Variants in BABAM2 observed in about 807,000 individuals in gnomAD.
BABAM2 encodes BRISC and BRCA1-A complex member 2.
A neutral mutation model predicts 54.7 loss-of-function variants in BABAM2; 31 were observed. The ratio of observed to expected loss-of-function variants is 0.57; its 90% CI spans 0.43 to 0.77. The LOEUF is 0.77. Among genes scored for constraint, BABAM2 ranks in the 30% least tolerant of loss-of-function variants. BABAM2 has a pLI of 0.00. For synonymous variants in BABAM2, 167 were observed against 162.9 expected (o/e 1.03, Z -0.19); for missense variants, 364 against 455.8 (o/e 0.80, Z 1.83).
intron 7 of BABAM2, among the ~76,000 whole-genome samples, chr2:28,221,923 C>T (rs182072953): frequency 5.1e-4 from 78 of 152,224 alleles, no homozygotes; most frequent in Middle Eastern, 6.8e-3. Context: ...TCGCCTTGCT[C>T]CAGAGTGACC....
At chr2:28,059,053 T>C (rs569598256) in intron 6 of BABAM2, among the ~76,000 whole-genome samples, 1 of 152,306 alleles carries the variant, frequency 6.6e-6, no homozygotes, top group East Asian at 1.9e-4. Flanking sequence ...TTTTATTCTT[T>C]TTGCTTAGCT....
intron 7 of BABAM2, among the ~76,000 whole-genome samples, chr2:28,175,023 C>G (rs1196031929): frequency 6.6e-6 from 1 of 152,092 alleles, no homozygotes; most frequent in Non-Finnish European, 1.5e-5. Context: ...TCCCAGAGCC[C>G]AAAACCTATC....
At chr2:28,078,677 G>A (rs1664906867) in intron 6 of BABAM2, among the ~76,000 whole-genome samples, 1 of 152,068 alleles carries the variant, frequency 6.6e-6, no homozygotes, top group Non-Finnish European at 1.5e-5. Context: ...TTTGGGTGGG[G>A]GTGAGCACAC....
At chr2:28,134,820 C>T (rs1051429494) in intron 7 of BABAM2, among the ~76,000 whole-genome samples, 3 of 152,178 alleles carry the variant, frequency 2.0e-5, no homozygotes, top group African/African-American at 7.2e-5. Flanking sequence ...TGAAATGTGG[C>T]TCATCTCCTT....
intron 11 of BABAM2, chr2:28,308,377 A>C: frequency 2.0e-6 from 1 of 500,142 alleles, no homozygotes; most frequent in Admixed American, 2.0e-5. Context: ...AAGCTTGACC[A>C]ATAATTCATC....
intron 3 of BABAM2, among the ~76,000 whole-genome samples, chr2:27,973,470 G>A (rs1671369360): frequency 6.6e-6 from 1 of 151,632 alleles, no homozygotes; most frequent in African/African-American, 2.4e-5. Flanking sequence ...TGTCCCTAAG[G>A]CAGGCAAGCT....
intron 3 of BABAM2, among the ~76,000 whole-genome samples, chr2:27,945,914 T>C (rs549373912): frequency 2.0e-4 from 30 of 152,118 alleles, no homozygotes; most frequent in African/African-American, 6.5e-4. Context: ...TTAATTCTAA[T>C]AATTTTTTTG....
intron 3 of BABAM2, among the ~76,000 whole-genome samples, chr2:27,934,224 CT>C (rs1341848487): frequency 2.6e-5 from 4 of 151,994 alleles, no homozygotes; most frequent in Non-Finnish European, 5.9e-5. Flanking sequence ...TTTTTTTAAA[CT>C]TAAAAATTTT....
chr2:28,318,842 C>G (rs759538925), intron 11 of BABAM2, among the ~76,000 whole-genome samples: 1 of 152,126 alleles, frequency 6.6e-6, no homozygotes, highest in African/African-American at 2.4e-5. Flanking sequence ...TTTGTGCCCA[C>G]CTGGAAGAGA....
At chr2:28,089,896 T>TG (rs1037374117) in intron 6 of BABAM2, among the ~76,000 whole-genome samples, 10 of 151,722 alleles carry the variant, frequency 6.6e-5, no homozygotes, top group African/African-American at 2.4e-4. Flanking sequence ...GTGGTATTTT[T>TG]TTTCTTTGTG....
intron 6 of BABAM2, among the ~76,000 whole-genome samples, chr2:28,091,859 A>C (rs1396590225): frequency 1.3e-5 from 2 of 152,192 alleles, no homozygotes; most frequent in Admixed American, 1.3e-4. Flanking sequence ...TACCTTACAC[A>C]TAAAATGTCA....
intron 4 of BABAM2, among the ~76,000 whole-genome samples, chr2:27,991,282 A>G (rs1349892998): frequency 6.6e-6 from 1 of 152,220 alleles, no homozygotes; most frequent in Non-Finnish European, 1.5e-5. Context: ...CATCTTTTAT[A>G]GTAATGTTTC....
intron 10 of BABAM2, among the ~76,000 whole-genome samples, chr2:28,265,651 C>T (rs1210687575): frequency 6.6e-6 from 1 of 152,146 alleles, no homozygotes; most frequent in East Asian, 1.9e-4. Context: ...TGCACACACA[C>T]ACACGACACA....
At chr2:28,062,012 A>C (rs1678914127) in intron 6 of BABAM2, among the ~76,000 whole-genome samples, 1 of 152,164 alleles carries the variant, frequency 6.6e-6, no homozygotes, top group African/African-American at 2.4e-5. Context: ...TAATCTCAGC[A>C]CTTTGGGAGT....
At chr2:28,004,425 A>G (rs1016210497) in intron 4 of BABAM2, among the ~76,000 whole-genome samples, 1 of 152,200 alleles carries the variant, frequency 6.6e-6, no homozygotes, top group East Asian at 1.9e-4. Context: ...TATTATGAAC[A>G]AAACATTCAA....
chr2:27,944,346 C>G, intron 3 of BABAM2, among the ~76,000 whole-genome samples: 1 of 152,060 alleles, frequency 6.6e-6, no homozygotes, highest in East Asian at 1.9e-4. Flanking sequence ...ATTTCCATTC[C>G]CTAAAGGTAT....
chr2:28,151,302 G>T (rs1672011286), intron 7 of BABAM2, among the ~76,000 whole-genome samples: 1 of 152,192 alleles, frequency 6.6e-6, no homozygotes, highest in Admixed American at 6.5e-5. Context: ...GCTGGATGTG[G>T]TGGCTTATGC....
intron 1 of BABAM2, 26 bp from the exon 2 acceptor site, chr2:27,894,507 T>A: frequency 6.2e-7 from 1 of 1,605,860 alleles, no homozygotes; most frequent in East Asian, 2.2e-5. Flanking sequence ...TAAGCCCTGA[T>A]CATTATTCTT....
At chr2:28,293,355 T>G (rs976965803) in intron 10 of BABAM2, among the ~76,000 whole-genome samples, 1 of 152,202 alleles carries the variant, frequency 6.6e-6, no homozygotes, top group African/African-American at 2.4e-5. Flanking sequence ...AGTTGTCTTC[T>G]AGTGAAAAGA....
Sources: allele counts gnomAD v4.1 joint callset (sites outside exome capture counted in the v4.1 genomes callset), GRCh38; gene constraint gnomAD v4.1.1; transcripts MANE v1.5; gene names NCBI Gene and HGNC (gene_info 2026-07-23, HGNC 2026-07-21).